Variants in TRPM4 observed in about 807,000 individuals in gnomAD.
The protein encoded by TRPM4 is calcium-activated non-selective cation channel 1.
Under a neutral mutation model 135.6 loss-of-function variants are expected in TRPM4, and 124 were observed. The ratio of observed to expected loss-of-function variants is 0.91; its 90% CI spans 0.79 to 1.06. The LOEUF (loss-of-function observed/expected upper bound fraction) is 1.06. Ranked by LOEUF, TRPM4 falls within the 50% of genes least tolerant of loss-of-function variation. TRPM4 has a pLI of 0.00. For missense variants in TRPM4, 1,658 were observed against 1,671.4 expected, an observed-to-expected ratio of 0.99 and a Z score of 0.14; for synonymous variants, 745 against 705.6, an observed-to-expected ratio of 1.06 and a Z score of -0.88.
In TRPM4 at chr19:49,200,343, A is replaced by G. The variant is rs201172677; in HGVS notation, c.2689A>G (p.Ile897Val). ...LYHLGRTVLCIDFMVFTVRLL... is the reference protein window; with the variant it reads ...LYHLGRTVLCVDFMVFTVRLL... ...CCACCTGGGCCGCACTGTCCTCTGC[A>G]TCGACTTCATGGTTTTCACGGTGCG... Residue 897 changes from isoleucine (I) to valine (V), a missense_variant, in exon 18 of 25, where the codon ATC becomes GTC. Around this residue, in one of 3 missense-constraint regions of TRPM4, gnomAD observed 1,412 missense variants for 1,408.7 expected, o/e 1.00. Transcript: ENST00000252826. 89 of 1,614,086 alleles carry G rather than the reference A, an allele frequency of 5.5e-5. No individual in the cohort carries two copies. The East Asian group carries it at 1.9e-3, about 34-fold the overall frequency.
rs1457081650 is a variant in TRPM4, at chr19:49,211,052, GAGTACGAAC to G, written c.3502_3510del (p.Tyr1168_Gln1170del). 3 of 1,614,038 alleles carry G rather than the reference GAGTACGAAC, an allele frequency of 1.9e-6. No individual in the cohort carries two copies. The African/African-American group carries it at 4.0e-5, about 22-fold the overall frequency. Reference sequence around the variant, plus strand: ...ACTGAAACAGCTGGGACACATCCGCGAGTACGAACAGCGCCTGAAAGTGCTGGAGCGGGA... The same window carrying G: ...ACTGAAACAGCTGGGACACATCCGCGAGCGCCTGAAAGTGCTGGAGCGGGA... On this transcript the variant is annotated inframe_deletion, in exon 23 of 25. Transcript: ENST00000252826. This position sits in a 1 kb window ranked among gnomAD's most constrained non-coding sequence, Gnocchi z 4.8.
chr19:49,188,984 G>A lies in TRPM4; in HGVS notation c.1912G>A (p.Ala638Thr). Reference protein sequence around the residue: ...GECYRSSEVRAARLLLRRCPL... With the variant: ...GECYRSSEVRTARLLLRRCPL... The stretch of plus-strand genomic sequence containing the variant: ...GTGCTATCGCAGCAGTGAGGTGAGG[G>A]CTGCCCGCCTCCTCCTCCGTCGCTG... Residue 638 changes from alanine (A) to threonine (T), a missense_variant, in exon 14 of 25, where the codon GCT becomes ACT. Ala to Thr is a moderately conservative substitution (Grantham distance 58). Transcript: ENST00000252826. 6.2e-7 allele frequency: 1 copy of A among 1,614,134 alleles called. No individual in the cohort carries two copies. Among genetic ancestry groups the A allele is most frequent in the South Asian group, 1.1e-5 (1 of 91,088 alleles).
intron 9 of TRPM4, among the ~76,000 whole-genome samples, chr19:49,177,285 T>G (rs1967733146): frequency 6.6e-6 from 1 of 150,496 alleles, no homozygotes; most frequent in African/African-American, 2.4e-5. Flanking sequence ...CAGAGTTGAA[T>G]GGATGGAATT....
At chr19:49,167,412 G>T (rs1967249247) in intron 3 of TRPM4, among the ~76,000 whole-genome samples, 2 of 92,376 alleles carry the variant, frequency 2.2e-5, no homozygotes, top group South Asian at 4.9e-4. Flanking sequence ...CTTTACTCTG[G>T]GTTTCTGTCC....
intron 17 of TRPM4, among the ~76,000 whole-genome samples, chr19:49,197,898 A>G (rs1968758293): frequency 6.6e-6 from 1 of 151,902 alleles, no homozygotes; most frequent in Non-Finnish European, 1.5e-5. Flanking sequence ...CATATTGACC[A>G]GGCTGGTCTT....
rs1439687789 is a variant in TRPM4 at position 49,166,203 on chromosome 19, C to T, written c.255C>T (p.Arg85=). The part of the protein sequence containing the change: ...YGELDFTGAG[R]KHSNFLRLSD... The stretch of plus-strand genomic sequence containing the variant: ...AGCTGGACTTCACGGGGGCCGGCCG[C>T]AAGCACAGCAATGTGAGGCGGGCCT... Residue 85 remains arginine, a synonymous_variant, in exon 3 of 25, where the codon CGC becomes CGT. Transcript: ENST00000252826. 8 of 1,604,616 alleles carry T rather than the reference C, an allele frequency of 5.0e-6. No individual in the cohort carries two copies. The highest frequency in any genetic ancestry group is 5.9e-6 in the Non-Finnish European group (7 of 1,176,712).
chr19:49,171,577 G>C lies in TRPM4; in HGVS notation c.859-1G>C. Reference sequence around the variant, plus strand: ...GAATAAAGAATGCCTTTATCCTGTAGCGAATAGAGAACGCCACCCAGGCTC... The same window carrying C: ...GAATAAAGAATGCCTTTATCCTGTACCGAATAGAGAACGCCACCCAGGCTC... On this transcript the variant is annotated splice_acceptor_variant, in intron 7 of 24. Transcript: ENST00000252826. LOFTEE classifies it high-confidence loss of function. The surrounding 1 kb of genome is among the most constrained non-coding windows in gnomAD (Gnocchi z 4.7). The C allele has an allele frequency of 6.2e-7, 1 of 1,614,038 alleles. No homozygotes were observed. Among genetic ancestry groups the C allele is most frequent in the South Asian group, 1.1e-5 (1 of 91,078 alleles).
In TRPM4 at chr19:49,182,875, T is replaced by C; in HGVS notation, c.1561T>C (p.Ser521Pro). ...LGKMCAPRYP[S>P]GGAWDPHPGQ... ...GAAGATGTGCGCGCCGAGGTACCCCTCCGGGGGCGCCTGGGACCCTCACCC... is the reference window on the plus strand; with the variant it reads ...GAAGATGTGCGCGCCGAGGTACCCCCCCGGGGGCGCCTGGGACCCTCACCC... Residue 521 changes from serine (S) to proline (P), a missense_variant, in exon 11 of 25, where the codon TCC becomes CCC. By Grantham distance (74) the Ser-to-Pro change is moderately conservative. Coordinates refer to ENST00000252826, the MANE Select transcript of TRPM4 (RefSeq NM_017636.4). 6.2e-7 allele frequency: 1 copy of C among 1,605,146 alleles called. No homozygotes were observed. Among genetic ancestry groups the C allele is most frequent in the Non-Finnish European group, 8.5e-7 (1 of 1,175,356 alleles).
chr19:49,197,355 TCTTTCTTTC>T (rs1165549547), intron 17 of TRPM4, among the ~76,000 whole-genome samples: 1 of 118,140 alleles, frequency 8.5e-6, no homozygotes, highest in Non-Finnish European at 1.6e-5. Flanking sequence ...TTTCTTTCTT[TCTTTCTTTC>T]TCTCTCTTTC....
At chr19:49,187,174 C>G (rs1444978240) in intron 12 of TRPM4, among the ~76,000 whole-genome samples, 4 of 150,802 alleles carry the variant, frequency 2.7e-5, no homozygotes, top group Admixed American at 6.6e-5. Context: ...ATTTAGTGGT[C>G]TCTTCATTAA....
rs34758808 is a variant in TRPM4 at position 49,207,636 on chromosome 19, CAA to C, written c.3132-2551_3132-2550del. ...CCACCAACAGAGTGAAACCTTGTCT[CAA>C]AAAAAAAAAAAAAAAAAAAAAGCCA... On this transcript the variant is annotated intron_variant, in intron 20 of 24. Transcript: ENST00000252826. Among the ~76,000 whole-genome samples the C allele has an allele frequency of 6.4e-3, 249 of 38,996 alleles. 4 individuals are homozygous for C. Among genetic ancestry groups the C allele is most frequent in the Middle Eastern group, 0.023 (1 of 44 alleles). 25.6% of individuals were successfully genotyped at this position (38,996 alleles called of 152,430 possible).
rs1177581135 is a variant in TRPM4 at position 49,196,851 on chromosome 19, CT to C, written c.2624del (p.Phe875SerfsTer9). 1 of 1,587,410 alleles carries C rather than the reference CT, an allele frequency of 6.3e-7. No individual in the cohort carries two copies. The highest frequency in any genetic ancestry group is 8.5e-7 in the Non-Finnish European group (1 of 1,174,946). ...AGTGCGACCTAGTGGCTCTCACCTG[CT>C]TCCTCCTGGGCGTGGGCTGCCGGTG... is the stretch of plus-strand genomic sequence containing the variant. The part of the protein sequence containing the change: ...NQCDLVALTC[F>X]LLGVGCRLTP... On this transcript the variant is annotated frameshift_variant, in exon 17 of 25. Coordinates refer to ENST00000252826, the MANE Select transcript of TRPM4 (RefSeq NM_017636.4). LOFTEE classifies it high-confidence loss of function.
chr19:49,194,220 C>G (rs933342751), intron 16 of TRPM4, among the ~76,000 whole-genome samples: 3 of 151,918 alleles, frequency 2.0e-5, no homozygotes, highest in Non-Finnish European at 4.4e-5. Flanking sequence ...CCTCCTCCTC[C>G]TGCTCCTCTG....
intron 17 of TRPM4, 85 bp downstream of exon 17, chr19:49,196,959 C>CGGGGAAG: frequency 7.4e-7 from 1 of 1,360,126 alleles, no homozygotes; most frequent in Non-Finnish European, 9.9e-7. Context: ...CTCCCGGCTT[C>CGGGGAAG]CCCGCAGCTG....
At chr19:49,182,162 A>G (rs1280648237) in intron 10 of TRPM4, among the ~76,000 whole-genome samples, 1 of 149,070 alleles carries the variant, frequency 6.7e-6, no homozygotes, top group Non-Finnish European at 1.5e-5. Flanking sequence ...TCATCTGTCC[A>G]TCCATCCATC....
chr19:49,161,887 C>G (rs1013566497), intron 2 of TRPM4, among the ~76,000 whole-genome samples: 2 of 152,192 alleles, frequency 1.3e-5, no homozygotes, highest in Non-Finnish European at 2.9e-5. Flanking sequence ...ACCTGGGCCT[C>G]CCAACGTGCT....
rs764098471 is a variant in TRPM4, at chr19:49,190,227, G to T, written c.2039G>T (p.Trp680Leu). ...DGVQSLLTQK[W>L]WGDMASTTPI... ...CCACAGTCTCTGCTGACACAGAAGT[G>T]GTGGGGAGATATGGCCAGCACTACA... Residue 680 changes from tryptophan to leucine, a missense_variant, in exon 15 of 25, where the codon TGG (tryptophan) becomes TTG (leucine). Transcript: ENST00000252826. 1.9e-6 allele frequency: 3 copies of T among 1,614,094 alleles called. No individual in the cohort carries two copies. In the South Asian group the frequency reaches 3.3e-5, roughly 18 times the overall value.
intron 19 of TRPM4, 140 bp from the exon 20 acceptor site, chr19:49,201,824 T>C: frequency 2.2e-6 from 2 of 894,186 alleles, no homozygotes; most frequent in Non-Finnish European, 3.7e-6. Context: ...AGTCTCAAAC[T>C]CCCCACCTCA....
Position 49,211,603 on chromosome 19 carries a change from G to C in TRPM4, c.*105G>C, listed in dbSNP as rs1969374319. 9 of 1,464,636 alleles carry C rather than the reference G, an allele frequency of 6.1e-6. No homozygotes were observed. In the South Asian group the frequency reaches 1.0e-4, roughly 17 times the overall value. The allele number at this position is 1,464,636 out of a possible 1,614,324, so 90.7% of individuals were successfully genotyped here. ...CGCACCTGGTGGCCTTGTCCTTGAG[G>C]TGAGCCCCATGTCCATCTGGGCCAC... On this transcript the variant is annotated 3_prime_UTR_variant, in exon 25 of 25. Coordinates refer to ENST00000252826, the MANE Select transcript of TRPM4 (RefSeq NM_017636.4). The surrounding 1 kb of genome is among the most constrained non-coding windows in gnomAD (Gnocchi z 4.8).
Sources: gnomAD v4.1 joint callset for allele counts (sites outside exome capture counted in the v4.1 genomes callset) on GRCh38, gnomAD v4.1.1 for gene constraint, gnomAD v4.1.1 regional missense constraint, Gnocchi (gnomAD v3.1) non-coding constraint, MANE v1.5 for transcripts, NCBI Gene and HGNC (gene_info 2026-07-23, HGNC 2026-07-21) for gene names.